FGF13: variants seen among roughly 807,000 people sequenced by gnomAD.
FGF13 encodes fibroblast growth factor homologous factor 2.
FGF13 carries 2 observed loss-of-function variants against 19.5 expected under a neutral mutation model. That is an observed-to-expected ratio of 0.10 (90% CI 0.04 to 0.32). The LOEUF is 0.32. Ranked by LOEUF, FGF13 falls within the 10% of genes least tolerant of loss-of-function variation. FGF13 has a pLI of 1.00. For synonymous variants in FGF13, 72 were observed against 76.9 expected (o/e 0.94, Z 0.33); for missense variants, 113 against 192.7 (o/e 0.59, Z 2.45).
chrX:138,780,938 T>TA (rs1244766574), intron 3 of FGF13, among the ~76,000 whole-genome samples: 1 of 110,118 alleles, frequency 9.1e-6, no homozygotes, highest in Admixed American at 9.7e-5. Context: ...TCAGCAAATG[T>TA]AAAAGAACAG....
chrX:139,072,785 C>T (rs1440741338), intron 1 of FGF13, among the ~76,000 whole-genome samples: 5 of 111,685 alleles, frequency 4.5e-5, no homozygotes, highest in Non-Finnish European at 9.4e-5. Context: ...AAATTTGGAG[C>T]TGTTATCTAT....
intron 1 of FGF13, among the ~76,000 whole-genome samples, chrX:138,969,765 T>C (rs1422527288): frequency 1.8e-5 from 2 of 111,732 alleles, no homozygotes; most frequent in East Asian, 5.7e-4. Flanking sequence ...TTTAAAAGTC[T>C]AACACCAATG....
Position 138,711,516 on chromosome X carries a change from C to T in FGF13, c.-513G>A. On this transcript the variant is annotated 5_prime_UTR_variant, in exon 1 of 5. Coordinates refer to ENST00000315930, the MANE Select transcript of FGF13 (RefSeq NM_004114.5). ...CGAGGCAGCGCGCGGGGGAGCGCGC[C>T]CTCGCCCTGGCCCCTCCGAGTCTTC... The T allele has an allele frequency of 1.3e-6, 1 of 756,306 alleles. No homozygotes were observed. Among genetic ancestry groups the T allele is most frequent in the Non-Finnish European group, 1.6e-6 (1 of 640,121 alleles). 62.3% of individuals were successfully genotyped at this position (756,306 alleles called of 1,213,427 possible). A position where few individuals can be genotyped will look rare whatever the true frequency, so the allele number is the denominator to read the frequency against.
intron 1 of FGF13, among the ~76,000 whole-genome samples, chrX:139,090,464 G>A (rs1185300945): frequency 2.7e-5 from 3 of 111,225 alleles, no homozygotes; most frequent in African/African-American, 6.6e-5. Flanking sequence ...TTAAATTCAC[G>A]GGTACATTTC....
intron 1 of FGF13, among the ~76,000 whole-genome samples, chrX:138,955,476 T>C (rs778739947): frequency 5.4e-5 from 6 of 111,950 alleles, no homozygotes; most frequent in Non-Finnish European, 1.1e-4. Context: ...AATGTGGGTA[T>C]TATTTTCTCC....
At chrX:139,167,501 T>C (rs967072007) in intron 1 of FGF13, among the ~76,000 whole-genome samples, 2 of 111,708 alleles carry the variant, frequency 1.8e-5, no homozygotes, top group African/African-American at 6.5e-5. Context: ...CATCTGAAAA[T>C]GAGGACATCT....
At chrX:138,705,498 T>G (rs775949040) in intron 2 of FGF13, among the ~76,000 whole-genome samples, 1 of 112,341 alleles carries the variant, frequency 8.9e-6, no homozygotes, top group African/African-American at 3.2e-5. Context: ...CAAAACTATG[T>G]ACTTTTCACT....
chrX:138,708,956 A>G (rs757899145), intron 1 of FGF13, 28 bp from the exon 2 acceptor site: 1 of 898,558 alleles, frequency 1.1e-6, no homozygotes, highest in Non-Finnish European at 1.6e-6. Context: ...ATTTGGATCA[A>G]TTGATAAATT....
intron 1 of FGF13, among the ~76,000 whole-genome samples, chrX:138,996,377 T>C (rs897590270): frequency 3.6e-5 from 4 of 112,585 alleles, no homozygotes; most frequent in Non-Finnish European, 5.6e-5. Context: ...GGAGATTCCC[T>C]CCAGTGCCTG....
At chrX:138,959,097 C>G (rs2091856481) in intron 1 of FGF13, among the ~76,000 whole-genome samples, 1 of 111,791 alleles carries the variant, frequency 8.9e-6, no homozygotes, top group Middle Eastern at 4.6e-3. Context: ...TTCTCTAGCT[C>G]TTTTAATTGT....
chrX:138,652,537 A>G (rs1054255453), intron 3 of FGF13, among the ~76,000 whole-genome samples: 3 of 111,781 alleles, frequency 2.7e-5, no homozygotes, highest in Non-Finnish European at 1.9e-5. Context: ...AGCCTGGTAC[A>G]GTGAAGGGAC....
At chrX:139,054,814 T>G (rs1330617428) in intron 1 of FGF13, among the ~76,000 whole-genome samples, 1 of 111,108 alleles carries the variant, frequency 9.0e-6, no homozygotes, top group Non-Finnish European at 1.9e-5. Context: ...TCCTTTGTAG[T>G]TTTCCTTCAA....
Position 138,885,965 on chromosome X carries a change from G to A in FGF13, c.-112-21315C>T, listed in dbSNP as rs142875476. On this transcript the variant is annotated intron_variant, in intron 1 of 2. Coordinates refer to the FGF13 transcript ENST00000421460. ...CATCTACACCACTTCCAGTGCATTC[G>A]TTTCCCTTTAAAAAAATAACTACGG... Among the ~76,000 whole-genome samples, 79 of 110,582 alleles carry A rather than the reference G, an allele frequency of 7.1e-4. 1 individual carries two copies. In the East Asian group the frequency reaches 0.018, roughly 25 times the overall value.
intron 3 of FGF13, among the ~76,000 whole-genome samples, chrX:138,820,296 T>C (rs2090990432): frequency 8.9e-6 from 1 of 112,155 alleles, no homozygotes; most frequent in Admixed American, 9.5e-5. Flanking sequence ...TTCAATTTGA[T>C]TCAATTTATC....
intron 1 of FGF13, among the ~76,000 whole-genome samples, chrX:139,156,373 T>C (rs938081900): frequency 7.1e-5 from 8 of 112,021 alleles, no homozygotes; most frequent in Non-Finnish European, 1.5e-4. Flanking sequence ...ACTCCTCCCT[T>C]TGATCCTGAC....
chrX:139,117,759 C>T (rs2083649504), intron 1 of FGF13, among the ~76,000 whole-genome samples: 1 of 111,859 alleles, frequency 8.9e-6, no homozygotes, highest in Non-Finnish European at 1.9e-5. Context: ...CATTACATCT[C>T]ACAGATGCCT....
intron 3 of FGF13, among the ~76,000 whole-genome samples, chrX:138,765,632 G>C (rs1261581592): frequency 8.9e-6 from 1 of 112,075 alleles, no homozygotes; most frequent in Non-Finnish European, 1.9e-5. Flanking sequence ...TATTGTGATT[G>C]AAAGAGCTGT....
At chrX:139,161,073 T>G (rs1458099045) in intron 1 of FGF13, among the ~76,000 whole-genome samples, 1 of 112,051 alleles carries the variant, frequency 8.9e-6, no homozygotes, top group Non-Finnish European at 1.9e-5. Flanking sequence ...ATATCCATGA[T>G]GAACATAGAT....
intron 3 of FGF13, among the ~76,000 whole-genome samples, chrX:138,760,649 T>C (rs1264342434): frequency 8.9e-6 from 1 of 112,187 alleles, no homozygotes; most frequent in Non-Finnish European, 1.9e-5. Context: ...CACAAAACCC[T>C]GTGAAGCTCA....
Sources: allele counts gnomAD v4.1 joint callset (sites outside exome capture counted in the v4.1 genomes callset), GRCh38; gene constraint gnomAD v4.1.1; transcripts MANE v1.5; gene names NCBI Gene and HGNC (gene_info 2026-07-23, HGNC 2026-07-21).